Variants in ALG9 observed in about 807,000 individuals in gnomAD.
ALG9 encodes the protein alpha-1,2-mannosyltransferase ALG9.
Under a neutral mutation model 81.8 loss-of-function variants are expected in ALG9, and 55 were observed. The observed-to-expected ratio is 0.67, with a 90% CI of 0.54 to 0.84. The LOEUF (loss-of-function observed/expected upper bound fraction) is 0.84, where lower values mean the gene tolerates loss of function less well. ALG9 is among the 40% of genes least tolerant of loss of function. The pLI, the probability that ALG9 is intolerant of heterozygous loss-of-function variation, is 0.00. For missense variants in ALG9, 629 were observed against 745.0 expected (o/e 0.84, Z 1.81); for synonymous variants, 278 against 274.3 (o/e 1.01, Z -0.13).
chr11:111,847,530 CT>C (rs1957115905), intron 8 of ALG9, among the ~76,000 whole-genome samples: 1 of 152,200 alleles, frequency 6.6e-6, no homozygotes, highest in Non-Finnish European at 1.5e-5. Flanking sequence ...GAGCACCACT[CT>C]TCACTCACCA....
intron 13 of ALG9, among the ~76,000 whole-genome samples, chr11:111,815,310 C>T (rs1035403748): frequency 2.0e-5 from 3 of 151,864 alleles, no homozygotes; most frequent in Non-Finnish European, 4.4e-5. Flanking sequence ...GAGTCTGAGG[C>T]GGGAGGATCG....
the ALG9 span, among the ~76,000 whole-genome samples, chr11:111,770,704 A>G: frequency 2.0e-5 from 3 of 152,164 alleles, no homozygotes; most frequent in Non-Finnish European, 4.4e-5. Context: ...TCTCTAAAAA[A>G]TAAATAAATA....
chr11:111,829,489 T>C (rs1953961307), intron 13 of ALG9, among the ~76,000 whole-genome samples: 1 of 152,114 alleles, frequency 6.6e-6, no homozygotes, highest in Non-Finnish European at 1.5e-5. Flanking sequence ...AAAAAGGTAA[T>C]AGCGGGGGAA....
At chr11:111,813,864 A>G (rs1951090137) in intron 13 of ALG9, among the ~76,000 whole-genome samples, 1 of 152,254 alleles carries the variant, frequency 6.6e-6, no homozygotes, top group Non-Finnish European at 1.5e-5. Flanking sequence ...CAGGAAATTA[A>G]GTTGGTAAGA....
At chr11:111,833,246 T>C (rs1261681254) in intron 13 of ALG9, among the ~76,000 whole-genome samples, 1 of 152,192 alleles carries the variant, frequency 6.6e-6, no homozygotes, top group Non-Finnish European at 1.5e-5. Flanking sequence ...TGTGAATTTT[T>C]CAAGAACTAA....
intron 9 of ALG9, among the ~76,000 whole-genome samples, chr11:111,842,768 A>C (rs1956419216): frequency 6.6e-6 from 1 of 152,174 alleles, no homozygotes; most frequent in African/African-American, 2.4e-5. Flanking sequence ...AAATCACATA[A>C]AAATATAAAG....
At chr11:111,815,138 A>G (rs1212698573) in intron 13 of ALG9, among the ~76,000 whole-genome samples, 5 of 152,214 alleles carry the variant, frequency 3.3e-5, no homozygotes, top group African/African-American at 1.2e-4. Flanking sequence ...ATTAGGCTTC[A>G]TTTATCATAT....
At chr11:111,833,763 G>T (rs1330659665) in intron 13 of ALG9, among the ~76,000 whole-genome samples, 2 of 152,168 alleles carry the variant, frequency 1.3e-5, no homozygotes, top group Non-Finnish European at 2.9e-5. Context: ...CAGCATTTTG[G>T]TGACTCCTAC....
At chr11:111,814,490 C>G (rs955499812) in intron 13 of ALG9, 4 of 152,118 alleles carry the variant, frequency 2.6e-5, no homozygotes, top group African/African-American at 2.4e-5. Context: ...ATTATTATTA[C>G]TACTAATTTA....
At position 111,838,415 on chromosome 11, in the gene ALG9, A is replaced by G; in HGVS notation, c.1174-16T>C. ...GAAAACTGTGCTGATAAAAGAAAAT[A>G]TAATTTGTAGAATATACATAATTAC... On this transcript the variant is annotated splice_polypyrimidine_tract_variant and intron_variant, in intron 10 of 14. Transcript: ENST00000616540. 1 of 1,597,498 alleles carries G rather than the reference A, an allele frequency of 6.3e-7. No homozygotes were observed. The highest frequency in any genetic ancestry group is 8.6e-7 in the Non-Finnish European group (1 of 1,165,932).
rs2136807948 is a variant in ALG9 at position 111,836,222 on chromosome 11, G to A, written c.1545C>T (p.Ala515=). Residue 515 remains alanine, a synonymous_variant, in exon 13 of 15, where the codon GCC becomes GCT. Coordinates refer to ENST00000616540, the MANE Select transcript of ALG9 (RefSeq NM_024740.2). ...LPKPFAEGPL[A]TRIVPTDMND... ...TCATGTCAGTAGGAACAATCCGGGT[G>A]GCCAGAGGTCCTTCTGCAAAAGGTT... The A allele has an allele frequency of 6.2e-7, 1 of 1,614,050 alleles. No individual in the cohort carries two copies. Among genetic ancestry groups the A allele is most frequent in the Non-Finnish European group, 8.5e-7 (1 of 1,179,952 alleles).
intron 13 of ALG9, among the ~76,000 whole-genome samples, chr11:111,820,494 T>C (rs1344805048): frequency 6.6e-6 from 1 of 152,166 alleles, no homozygotes; most frequent in African/African-American, 2.4e-5. Flanking sequence ...CCGGCAATAA[T>C]GGCATTAATC....
At chr11:111,795,702 G>A (rs1166557992) in intron 14 of ALG9, among the ~76,000 whole-genome samples, 4 of 152,232 alleles carry the variant, frequency 2.6e-5, no homozygotes, top group East Asian at 1.9e-4. Context: ...TCGTGGCATC[G>A]TGAGACTGGT....
intron 8 of ALG9, among the ~76,000 whole-genome samples, chr11:111,850,570 G>C (rs1957604378): frequency 6.6e-6 from 1 of 151,872 alleles, no homozygotes; most frequent in Non-Finnish European, 1.5e-5. Flanking sequence ...AGCCAGGCAT[G>C]GTGATGGGTG....
chr11:111,800,213 G>A (rs943501107), intron 14 of ALG9, among the ~76,000 whole-genome samples: 1 of 152,142 alleles, frequency 6.6e-6, no homozygotes, highest in African/African-American at 2.4e-5. Flanking sequence ...GGGTGTGGTG[G>A]CTCACACCTG....
downstream of ALG9, chr11:111,778,327 TAG>T (rs1555055867): frequency 6.6e-6 from 1 of 152,240 alleles, no homozygotes; most frequent in African/African-American, 2.4e-5. Context: ...GCCAAAATTA[TAG>T]TCATTCATTC....
downstream of ALG9, among the ~76,000 whole-genome samples, chr11:111,780,693 G>A (rs1197978048): frequency 2.6e-5 from 4 of 152,120 alleles, no homozygotes; most frequent in African/African-American, 9.7e-5. Context: ...CACCATGTCC[G>A]GCCAACTTGC....
chr11:111,836,800 T>C (rs1458854361), intron 12 of ALG9: 1 of 181,718 alleles, frequency 5.5e-6, no homozygotes, highest in African/African-American at 2.4e-5. Context: ...AATTTAATCA[T>C]TAATGACTGA....
At position 111,857,430 on chromosome 11, in the gene ALG9, T is replaced by C. The variant is rs1958883391; in HGVS notation, c.701+172A>G. On this transcript the variant is annotated intron_variant, in intron 6 of 14. Coordinates refer to ENST00000616540, the MANE Select transcript of ALG9 (RefSeq NM_024740.2). The stretch of plus-strand genomic sequence containing the variant: ...AGATGCTCAATGGTCATTATTCTTA[T>C]TAGAATTAATCATAATAGTAAGTGC... Among the ~76,000 whole-genome samples, 1 of 152,238 alleles carries C rather than the reference T, an allele frequency of 6.6e-6. No homozygotes were observed. The highest frequency in any genetic ancestry group is 1.9e-4 in the East Asian group (1 of 5,206).
Sources: gnomAD v4.1 joint callset for allele counts (sites outside exome capture counted in the v4.1 genomes callset) on GRCh38, gnomAD v4.1.1 for gene constraint, MANE v1.5 for transcripts, NCBI Gene and HGNC (gene_info 2026-07-23, HGNC 2026-07-21) for gene names.